The following SIPA1L3 variants were observed in gnomAD, a reference collection of about 807,000 sequenced individuals.
SIPA1L3 encodes signal-induced proliferation-associated 1-like protein 3.
Under a neutral mutation model 150.1 loss-of-function variants are expected in SIPA1L3, and 59 were observed. That is an observed-to-expected ratio of 0.39 (90% CI 0.32 to 0.49). SIPA1L3 has a LOEUF of 0.49. SIPA1L3 is among the 20% of genes least tolerant of loss of function. The probability of loss-of-function intolerance (pLI) is 0.86; values close to 1 mark genes in which losing one functional copy is unlikely to be tolerated. For synonymous variants in SIPA1L3, 1,070 were observed against 1,077.6 expected, an observed-to-expected ratio of 0.99 and a Z score of 0.14; for missense variants, 2,211 against 2,489.5, an observed-to-expected ratio of 0.89 and a Z score of 2.38.
intron 1 of SIPA1L3, among the ~76,000 whole-genome samples, chr19:37,965,733 G>A (rs1298918329): frequency 7.5e-6 from 1 of 133,344 alleles, no homozygotes; most frequent in South Asian, 2.4e-4. Context: ...CCTAGTCCCT[G>A]CATTCTAGAT....
At position 38,163,027 on chromosome 19, in the gene SIPA1L3, C is replaced by T. The variant is rs112976088; in HGVS notation, c.3780+656C>T. ...GAGGAGGAGATGGTTTGCAGGGGCT[C>T]TTGGCAATCTCTTTGTATCCATTCG... On this transcript the variant is annotated intron_variant, in intron 14 of 21. Transcript: ENST00000222345. 5.8e-3 allele frequency among the ~76,000 whole-genome samples: 886 copies of T among 152,266 alleles called. 6 individuals carry two copies. Among genetic ancestry groups the T allele is most frequent in the African/African-American group, 0.02 (837 of 41,564 alleles).
chr19:38,176,983 CA>C lies in SIPA1L3; in HGVS notation c.4209-5533del, dbSNP rs1364159630. Among the ~76,000 whole-genome samples, 319 of 150,974 alleles carry C rather than the reference CA, an allele frequency of 2.1e-3. 1 individual carries two copies. Among genetic ancestry groups the C allele is most frequent in the African/African-American group, 7.3e-3 (302 of 41,156 alleles). ...TGAAACTCCGTCTCAAAAAAACAAACAAACAACAAAAAAACAAACAAACAAA... is the reference window on the plus strand; with the variant it reads ...TGAAACTCCGTCTCAAAAAAACAAACAACAACAAAAAAACAAACAAACAAA... On this transcript the variant is annotated intron_variant, in intron 15 of 21. Transcript: ENST00000222345.
intron 1 of SIPA1L3, among the ~76,000 whole-genome samples, chr19:37,976,599 T>TA (rs1219493998): frequency 1.3e-5 from 2 of 152,030 alleles, no homozygotes; most frequent in Non-Finnish European, 2.9e-5. Flanking sequence ...TTGAAGAGCT[T>TA]AGACACTGCA....
chr19:38,167,236 A>G (rs1972231300), intron 15 of SIPA1L3, among the ~76,000 whole-genome samples: 1 of 151,634 alleles, frequency 6.6e-6, no homozygotes, highest in East Asian at 1.9e-4. Context: ...CATCTCAAAA[A>G]AAAAAAAAAA....
chr19:38,137,275 G>A (rs1039075252), intron 10 of SIPA1L3, among the ~76,000 whole-genome samples: 1 of 151,954 alleles, frequency 6.6e-6, no homozygotes. Context: ...TGCAACCTCC[G>A]CTTCCCAGGT....
At chr19:38,161,776 G>A (rs930214869) in intron 13 of SIPA1L3, among the ~76,000 whole-genome samples, 2 of 152,014 alleles carry the variant, frequency 1.3e-5, no homozygotes, top group Non-Finnish European at 2.9e-5. Flanking sequence ...GGCTAGGCAT[G>A]GTGGCTCACG....
chr19:38,171,599 G>T (rs1972329744), intron 15 of SIPA1L3, among the ~76,000 whole-genome samples: 1 of 151,708 alleles, frequency 6.6e-6, no homozygotes, highest in African/African-American at 2.4e-5. Context: ...CACCATGTTG[G>T]CCAGGCTGGT....
At chr19:38,014,666 C>G (rs961377040) in intron 1 of SIPA1L3, among the ~76,000 whole-genome samples, 3 of 93,866 alleles carry the variant, frequency 3.2e-5, no homozygotes, top group African/African-American at 1.3e-4. Flanking sequence ...GATCCTCCCC[C>G]GGCTAATTTT....
intron 1 of SIPA1L3, among the ~76,000 whole-genome samples, chr19:38,013,402 G>C (rs537282568): frequency 1.7e-4 from 26 of 151,812 alleles, no homozygotes; most frequent in South Asian, 1.7e-3. Context: ...TAGAGCATGG[G>C]CTGAAAAAAA....
chr19:38,139,496 G>T lies in SIPA1L3; in HGVS notation c.3144-1688G>T, dbSNP rs117036687. Among the ~76,000 whole-genome samples the T allele has an allele frequency of 9.3e-4, 142 of 152,258 alleles. 2 individuals are homozygous for T. The East Asian group carries it at 0.022, about 24-fold the overall frequency. On this transcript the variant is annotated intron_variant, in intron 10 of 21. Transcript: ENST00000222345. ...CTTTCCCCACCTCTGCCCGGGCCTG[G>T]CATGTCTACAGGCTCTGATAGACGT...
intron 15 of SIPA1L3, among the ~76,000 whole-genome samples, chr19:38,167,909 G>T (rs1394368473): frequency 6.6e-6 from 1 of 152,070 alleles, no homozygotes; most frequent in Non-Finnish European, 1.5e-5. Flanking sequence ...CTTTTGAATG[G>T]CTCTTTCATT....
At chr19:38,193,324 G>A (rs1241563859) in intron 17 of SIPA1L3, among the ~76,000 whole-genome samples, 1 of 146,260 alleles carries the variant, frequency 6.8e-6, no homozygotes, top group African/African-American at 2.5e-5. Flanking sequence ...ACTCCAGATT[G>A]GGCGACAGAG....
At chr19:37,977,057 G>A (rs191391675) in intron 1 of SIPA1L3, among the ~76,000 whole-genome samples, 124 of 152,128 alleles carry the variant, frequency 8.2e-4, no homozygotes, top group African/African-American at 2.9e-3. Context: ...GGCTGGTCTT[G>A]AACTCCTGGG....
At chr19:38,018,950 A>G (rs1287107260) in intron 1 of SIPA1L3, among the ~76,000 whole-genome samples, 1 of 152,070 alleles carries the variant, frequency 6.6e-6, no homozygotes, top group Non-Finnish European at 1.5e-5. Context: ...ACCTCTCCCT[A>G]AGGCAAAGTG....
At chr19:37,994,382 G>C (rs1967583659) in intron 1 of SIPA1L3, among the ~76,000 whole-genome samples, 1 of 152,134 alleles carries the variant, frequency 6.6e-6, no homozygotes, top group Non-Finnish European at 1.5e-5. Context: ...AGATCTGGGA[G>C]ACATGGTGCT....
chr19:38,179,813 G>T (rs754062603), intron 15 of SIPA1L3, among the ~76,000 whole-genome samples: 4 of 152,098 alleles, frequency 2.6e-5, no homozygotes, highest in Non-Finnish European at 5.9e-5. Flanking sequence ...TCAGGTCATT[G>T]TCTAGAGTCA....
chr19:37,970,623 T>C (rs917434027), intron 1 of SIPA1L3, among the ~76,000 whole-genome samples: 2 of 152,228 alleles, frequency 1.3e-5, no homozygotes, highest in African/African-American at 4.8e-5. Flanking sequence ...TGAACTGGCA[T>C]GACTGCAAAG....
chr19:37,967,774 T>TA (rs946842905), intron 1 of SIPA1L3, among the ~76,000 whole-genome samples: 14 of 150,968 alleles, frequency 9.3e-5, no homozygotes, highest in East Asian at 1.9e-4. Context: ...TGTTAAACTT[T>TA]AAAAAAAAAA....
chr19:38,103,651 G>A (rs1416966149), intron 6 of SIPA1L3, among the ~76,000 whole-genome samples: 1 of 150,550 alleles, frequency 6.6e-6, no homozygotes, highest in Admixed American at 6.6e-5. Context: ...GGGGCCGGGC[G>A]CGGTGGTTCA....
Sources: allele counts gnomAD v4.1 joint callset (sites outside exome capture counted in the v4.1 genomes callset), GRCh38; gene constraint gnomAD v4.1.1; transcripts MANE v1.5; gene names NCBI Gene and HGNC (gene_info 2026-07-23, HGNC 2026-07-21).